Variants in LINGO2 observed in about 807,000 individuals in gnomAD.
LINGO2 encodes the protein leucine-rich repeat and immunoglobulin-like domain-containing nogo receptor-interacting protein 2.
LINGO2 carries 14 observed loss-of-function variants against 30.6 expected under a neutral mutation model. The ratio of observed to expected loss-of-function variants is 0.46; its 90% CI spans 0.30 to 0.72. The LOEUF (loss-of-function observed/expected upper bound fraction) is 0.72, where lower values mean the gene tolerates loss of function less well. Among genes scored for constraint, LINGO2 ranks in the 30% least tolerant of loss-of-function variants. The probability of loss-of-function intolerance (pLI) is 0.07; values close to 1 mark genes in which losing one functional copy is unlikely to be tolerated. For synonymous variants in LINGO2, 317 were observed against 288.5 expected (o/e 1.10, Z -1.00); for missense variants, 729 against 751.7 (o/e 0.97, Z 0.35).
chr9:28,167,499 A>T lies in LINGO2; in HGVS notation c.-87+127709T>A, dbSNP rs775741888. On this transcript the variant is annotated intron_variant, in intron 4 of 5. Coordinates refer to ENST00000379992, the Ensembl canonical transcript of LINGO2. Reference sequence around the variant, plus strand: ...GGATTCAAGCGATTCTCATGCCTCAACCTCCTGAGTAGCTGTGATTATAAG... The same window carrying T: ...GGATTCAAGCGATTCTCATGCCTCATCCTCCTGAGTAGCTGTGATTATAAG... Among the ~76,000 whole-genome samples, 4 of 152,010 alleles carry T rather than the reference A, an allele frequency of 2.6e-5. No individual in the cohort carries two copies. In the South Asian group the frequency reaches 8.3e-4, roughly 31 times the overall value.
intron 3 of LINGO2, among the ~76,000 whole-genome samples, chr9:28,304,056 C>T (rs1345413201): frequency 6.6e-6 from 1 of 151,912 alleles, no homozygotes; most frequent in Non-Finnish European, 1.5e-5. Flanking sequence ...GGTTTCCCTG[C>T]AATATGATCT....
intron 1 of LINGO2, among the ~76,000 whole-genome samples, chr9:28,513,365 C>G (rs1395156980): frequency 6.6e-6 from 1 of 152,178 alleles, no homozygotes; most frequent in Non-Finnish European, 1.5e-5. Context: ...ATAACATGTA[C>G]TTAGCACAAT....
chr9:28,462,842 A>T (rs1191644286), intron 2 of LINGO2, among the ~76,000 whole-genome samples: 1 of 152,044 alleles, frequency 6.6e-6, no homozygotes, highest in Non-Finnish European at 1.5e-5. Context: ...TTTCCAAGGA[A>T]CTATCTATTC....
chr9:27,987,709 G>A (rs1821191303), intron 5 of LINGO2, among the ~76,000 whole-genome samples: 1 of 151,860 alleles, frequency 6.6e-6, no homozygotes, highest in South Asian at 2.1e-4. Context: ...GTGTTTCTCA[G>A]ACTGTGGCCT....
intron 3 of LINGO2, among the ~76,000 whole-genome samples, chr9:28,358,434 C>A (rs1478856803): frequency 1.3e-5 from 2 of 152,046 alleles, no homozygotes; most frequent in Non-Finnish European, 2.9e-5. Flanking sequence ...TGATCAGTCA[C>A]AAATGGAGAG....
chr9:28,894,156 G>A, the LINGO2 span, among the ~76,000 whole-genome samples: 5 of 152,022 alleles, frequency 3.3e-5, no homozygotes, highest in Non-Finnish European at 2.9e-5. Flanking sequence ...TATCATTGTT[G>A]GACATTTGGG....
At chr9:28,685,364 T>C in the LINGO2 span, among the ~76,000 whole-genome samples, 3 of 152,172 alleles carry the variant, frequency 2.0e-5, no homozygotes, top group Admixed American at 6.5e-5. Context: ...GCACAGTGCT[T>C]AGTAAACAGT....
chr9:28,442,254 C>G (rs775994335), intron 2 of LINGO2, among the ~76,000 whole-genome samples: 1 of 151,176 alleles, frequency 6.6e-6, no homozygotes, highest in Non-Finnish European at 1.5e-5. Context: ...AAGAAAATAG[C>G]TAGCTAAATA....
chr9:28,887,886 T>G, the LINGO2 span, among the ~76,000 whole-genome samples: 1 of 152,106 alleles, frequency 6.6e-6, no homozygotes, highest in African/African-American at 2.4e-5. Flanking sequence ...TCCAACTGGA[T>G]TTAATTTGCA....
chr9:28,702,173 T>G, the LINGO2 span, among the ~76,000 whole-genome samples: 5 of 151,910 alleles, frequency 3.3e-5, no homozygotes, highest in Non-Finnish European at 5.9e-5. Context: ...AAAGGAGCAG[T>G]GAGTGGGAAT....
At chr9:28,355,098 G>T (rs1287296944) in intron 3 of LINGO2, among the ~76,000 whole-genome samples, 2 of 152,066 alleles carry the variant, frequency 1.3e-5, no homozygotes, top group Non-Finnish European at 2.9e-5. Flanking sequence ...TCTAACTTTA[G>T]TCCACAGAAC....
the LINGO2 span, among the ~76,000 whole-genome samples, chr9:28,691,484 G>C: frequency 6.6e-6 from 1 of 151,894 alleles, no homozygotes; most frequent in African/African-American, 2.4e-5. Flanking sequence ...CCTCCTTGTA[G>C]CCTCTTATCT....
chr9:27,959,443 T>C (rs1370637925), intron 5 of LINGO2, among the ~76,000 whole-genome samples: 4 of 152,160 alleles, frequency 2.6e-5, no homozygotes, highest in African/African-American at 4.8e-5. Flanking sequence ...CACAAATTGA[T>C]TTTTTATAAA....
intron 4 of LINGO2, among the ~76,000 whole-genome samples, chr9:28,161,446 T>A (rs956783299): frequency 1.4e-4 from 21 of 152,190 alleles, no homozygotes; most frequent in Non-Finnish European, 2.8e-4. Flanking sequence ...TTTCATTCAG[T>A]AATAAGTGAA....
At chr9:28,623,214 T>C (rs1826492344) in intron 1 of LINGO2, among the ~76,000 whole-genome samples, 1 of 152,058 alleles carries the variant, frequency 6.6e-6, no homozygotes. Context: ...CATTTGTCCA[T>C]TTTTGCTTTT....
intron 2 of LINGO2, among the ~76,000 whole-genome samples, chr9:28,383,876 G>A (rs1247472433): frequency 5.9e-5 from 9 of 151,976 alleles, no homozygotes; most frequent in Admixed American, 5.3e-4. Context: ...CACCTCACCT[G>A]CAGTGCTTAG....
intron 1 of LINGO2, among the ~76,000 whole-genome samples, chr9:28,639,135 T>G (rs998730882): frequency 5.3e-5 from 8 of 152,132 alleles, no homozygotes; most frequent in Admixed American, 1.3e-4. Context: ...CGGTTTTGAG[T>G]GAGTTTCTTA....
intron 2 of LINGO2, among the ~76,000 whole-genome samples, chr9:28,387,407 G>T (rs1014181161): frequency 2.0e-5 from 3 of 152,170 alleles, no homozygotes; most frequent in African/African-American, 7.2e-5. Context: ...TCTATAAAAT[G>T]GACCAATCAG....
At chr9:28,577,501 T>G (rs960701500) in intron 1 of LINGO2, among the ~76,000 whole-genome samples, 1 of 152,080 alleles carries the variant, frequency 6.6e-6, no homozygotes, top group African/African-American at 2.4e-5. Context: ...CAACACTATC[T>G]TTAAAAAACC....
Sources: gnomAD v4.1 joint callset for allele counts (sites outside exome capture counted in the v4.1 genomes callset) on GRCh38, gnomAD v4.1.1 for gene constraint, MANE v1.5 for transcripts, NCBI Gene and HGNC (gene_info 2026-07-23, HGNC 2026-07-21) for gene names.